The following ADD3 variants were observed in gnomAD, a reference collection of about 807,000 sequenced individuals.
ADD3 encodes the protein adducin 3.
A neutral mutation model predicts 80.2 loss-of-function variants in ADD3; 25 were observed. The observed-to-expected ratio is 0.31, with a 90% confidence interval of 0.23 to 0.44. The LOEUF is 0.44. Among genes scored for constraint, ADD3 ranks in the 20% least tolerant of loss-of-function variants. The pLI is 1.00. For synonymous variants in ADD3, 284 were observed against 289.6 expected (o/e 0.98, Z 0.20); for missense variants, 829 against 847.5 (o/e 0.98, Z 0.27).
At position 110,097,668 on chromosome 10, in the gene ADD3, G is replaced by A. The variant is rs892343653; in HGVS notation, c.-29-2957G>A. 2.6e-5 allele frequency among the ~76,000 whole-genome samples: 4 copies of A among 152,020 alleles called. No individual in the cohort carries two copies. The Middle Eastern group carries it at 0.01, about 388-fold the overall frequency. On this transcript the variant is annotated intron_variant, in intron 1 of 14. Coordinates refer to ENST00000356080, the MANE Select transcript of ADD3 (RefSeq NM_016824.5). Reference sequence around the variant, plus strand: ...TTGTCTCACTGATGTCCTTTTCCTGGTCTAGGATCTGATCCAAGATTACAT... The same window carrying A: ...TTGTCTCACTGATGTCCTTTTCCTGATCTAGGATCTGATCCAAGATTACAT...
upstream of ADD3, among the ~76,000 whole-genome samples, chr10:110,001,593 T>C (rs17126938): frequency 0.16 from 24,170 of 152,170 alleles, 2,295 homozygotes; most frequent in East Asian, 0.4. Context: ...ATTGTTTCTA[T>C]AGGATAGCTG....
At position 110,047,270 on chromosome 10, in the gene ADD3, G is replaced by A. The variant is rs146879949; in HGVS notation, c.-30+38971G>A. Among the ~76,000 whole-genome samples the A allele has an allele frequency of 3.8e-4, 58 of 152,262 alleles. No individual in the cohort carries two copies. In the East Asian group the frequency reaches 7.9e-3, roughly 21 times the overall value. On this transcript the variant is annotated intron_variant, in intron 1 of 14. Transcript: ENST00000356080. ...TCACAATTTACAAAGTAGATTTGCC[G>A]ACTTAACACACTTTTAGCAACAGTC...
At chr10:110,040,442 C>T (rs1334536244) in intron 1 of ADD3, among the ~76,000 whole-genome samples, 2 of 152,094 alleles carry the variant, frequency 1.3e-5, no homozygotes, top group Admixed American at 6.5e-5. Context: ...ATATATGTAC[C>T]CAGTAATTTT....
At chr10:110,110,589 A>G (rs529061159) in intron 2 of ADD3, among the ~76,000 whole-genome samples, 5 of 152,228 alleles carry the variant, frequency 3.3e-5, no homozygotes, top group South Asian at 2.1e-4. Flanking sequence ...CTTCTCAACT[A>G]TTGTTCTAAG....
chr10:110,004,556 G>A (rs1295597072), upstream of ADD3, among the ~76,000 whole-genome samples: 2 of 151,424 alleles, frequency 1.3e-5, no homozygotes, highest in African/African-American at 4.8e-5. Flanking sequence ...TGACCTGCCT[G>A]CCTCAGCCTC....
chr10:110,057,193 C>G (rs151013073), intron 1 of ADD3, among the ~76,000 whole-genome samples: 91 of 152,306 alleles, frequency 6.0e-4, no homozygotes, highest in African/African-American at 2.1e-3. Flanking sequence ...CTGCACTTCT[C>G]TAATTGGGTA....
chr10:110,036,440 C>T (rs1314527586), intron 1 of ADD3, among the ~76,000 whole-genome samples: 1 of 135,536 alleles, frequency 7.4e-6, no homozygotes, highest in Non-Finnish European at 1.5e-5. Context: ...AGTGCAGTGG[C>T]GTGGTCTCAG....
chr10:110,013,239 A>G (rs1001130833), intron 1 of ADD3, among the ~76,000 whole-genome samples: 2 of 152,042 alleles, frequency 1.3e-5, no homozygotes, highest in African/African-American at 4.8e-5. Flanking sequence ...AATAGCTGGG[A>G]TTACAGGCGC....
rs1850879779 is a variant in ADD3 at position 110,117,436 on chromosome 10, T to G, written c.567+14T>G. The G allele has an allele frequency of 6.6e-7, 1 of 1,522,566 alleles. No homozygotes were observed. 94.3% of individuals were successfully genotyped at this position (1,522,566 alleles called of 1,614,324 possible). On this transcript the variant is annotated intron_variant, in intron 5 of 14. Transcript: ENST00000356080. Reference sequence around the variant, plus strand: ...GCCTCCAATTTGGTATAATTTTCCATTCCTGTGTTGCTTTTTCTGAGCTTT... The same window carrying G: ...GCCTCCAATTTGGTATAATTTTCCAGTCCTGTGTTGCTTTTTCTGAGCTTT...
intron 1 of ADD3, among the ~76,000 whole-genome samples, chr10:110,084,249 G>C (rs1194274747): frequency 6.6e-6 from 1 of 152,138 alleles, no homozygotes; most frequent in Non-Finnish European, 1.5e-5. Context: ...AGTAAAAATT[G>C]TTTTAGATTC....
intron 1 of ADD3, among the ~76,000 whole-genome samples, chr10:110,026,081 G>A (rs1410860490): frequency 6.6e-6 from 1 of 152,096 alleles, no homozygotes; most frequent in Non-Finnish European, 1.5e-5. Context: ...AGCAAGTCAT[G>A]TACATGGTAA....
chr10:110,119,610 GT>G, intron 8 of ADD3, 46 bp downstream of exon 8: 1 of 1,520,938 alleles, frequency 6.6e-7, no homozygotes, highest in Non-Finnish European at 9.1e-7. Context: ...TTATTTGCTC[GT>G]TTAGTTGGAT....
chr10:110,004,211 T>C (rs780000127), upstream of ADD3, among the ~76,000 whole-genome samples: 6 of 151,968 alleles, frequency 3.9e-5, no homozygotes, highest in Non-Finnish European at 7.4e-5. Flanking sequence ...ACTAATTTCT[T>C]TTAATTCTCT....
rs773854991 is a variant in ADD3 at position 110,118,562 on chromosome 10, A to C, written c.568-25A>C. On this transcript the variant is annotated intron_variant, in intron 5 of 14. Coordinates refer to ENST00000356080, the MANE Select transcript of ADD3 (RefSeq NM_016824.5). Reference sequence around the variant, plus strand: ...AACTTTGATACGTATATACCAGTTAAATATGTCCTTCTGATTTTTTCCAGG... The same window carrying C: ...AACTTTGATACGTATATACCAGTTACATATGTCCTTCTGATTTTTTCCAGG... The C allele has an allele frequency of 9.9e-6, 16 of 1,608,138 alleles. No homozygotes were observed. The South Asian group carries it at 1.6e-4, about 17-fold the overall frequency.
At chr10:110,103,490 A>G (rs1225630271) in intron 2 of ADD3, among the ~76,000 whole-genome samples, 1 of 152,162 alleles carries the variant, frequency 6.6e-6, no homozygotes, top group Admixed American at 6.6e-5. Context: ...TGCCACGTGG[A>G]CTTTTTCTAA....
At chr10:110,048,622 A>G (rs940751976) in intron 1 of ADD3, among the ~76,000 whole-genome samples, 1 of 152,224 alleles carries the variant, frequency 6.6e-6, no homozygotes, top group African/African-American at 2.4e-5. Flanking sequence ...AGAGACTGCC[A>G]GCATTTTGCC....
chr10:110,094,778 T>C (rs984821238), intron 1 of ADD3, among the ~76,000 whole-genome samples: 7 of 152,218 alleles, frequency 4.6e-5, no homozygotes, highest in African/African-American at 1.4e-4. Flanking sequence ...GAACTTCAAA[T>C]AACTTTAAAA....
chr10:110,117,693 CAG>C (rs1850919895), intron 5 of ADD3, among the ~76,000 whole-genome samples: 1 of 150,948 alleles, frequency 6.6e-6, no homozygotes, highest in Non-Finnish European at 1.5e-5. Flanking sequence ...CCTATACACT[CAG>C]AAATTTGTGT....
intron 1 of ADD3, among the ~76,000 whole-genome samples, chr10:110,009,375 G>C (rs1852052614): frequency 6.6e-6 from 1 of 152,146 alleles, no homozygotes; most frequent in South Asian, 2.1e-4. Flanking sequence ...ACATAGTGCA[G>C]GGTACGTTCC....
Sources: gnomAD v4.1 joint callset for allele counts (sites outside exome capture counted in the v4.1 genomes callset) on GRCh38, gnomAD v4.1.1 for gene constraint, MANE v1.5 for transcripts, NCBI Gene and HGNC (gene_info 2026-07-23, HGNC 2026-07-21) for gene names.